Variants in NDUFAF6 observed in about 807,000 individuals in gnomAD.
NDUFAF6 encodes NADH dehydrogenase (ubiquinone) complex I, assembly factor 6.
A neutral mutation model predicts 40.8 loss-of-function variants in NDUFAF6; 45 were observed. That is an observed-to-expected ratio of 1.10 (90% CI 0.87 to 1.42). The LOEUF (loss-of-function observed/expected upper bound fraction) is 1.42, where lower values mean the gene tolerates loss of function less well. Ranked by LOEUF, NDUFAF6 falls within the 40% of genes most tolerant of loss-of-function variation. NDUFAF6 has a pLI of 0.00. For missense variants in NDUFAF6, 435 were observed against 418.5 expected (o/e 1.04, Z -0.34); for synonymous variants, 185 against 155.9 (o/e 1.19, Z -1.39).
chr8:95,044,988 G>A (rs1830571255), intron 4 of NDUFAF6, among the ~76,000 whole-genome samples: 1 of 151,998 alleles, frequency 6.6e-6, no homozygotes, highest in South Asian at 2.1e-4. Flanking sequence ...GGATGAGGTG[G>A]GCACTGGTTT....
intron 1 of NDUFAF6, among the ~76,000 whole-genome samples, chr8:94,910,154 T>G (rs1332235854): frequency 6.6e-6 from 1 of 152,138 alleles, no homozygotes. Context: ...TTGTTTGTTT[T>G]TTTGGTTTTT....
chr8:95,058,711 T>C, downstream of NDUFAF6: 4 of 1,005,080 alleles, frequency 4.0e-6, no homozygotes, highest in Non-Finnish European at 4.7e-6. Context: ...CTACACTTTA[T>C]ACTGTACATT....
At chr8:94,908,960 A>C (rs1281567815) in intron 1 of NDUFAF6, among the ~76,000 whole-genome samples, 1 of 152,210 alleles carries the variant, frequency 6.6e-6, no homozygotes, top group Non-Finnish European at 1.5e-5. Context: ...CACACATCAC[A>C]AATCCTGAAC....
At chr8:94,915,680 C>T (rs1819084565) in intron 1 of NDUFAF6, among the ~76,000 whole-genome samples, 1 of 152,324 alleles carries the variant, frequency 6.6e-6, no homozygotes, top group African/African-American at 2.4e-5. Flanking sequence ...AATTTACAAT[C>T]CCACCAACTG....
intron 1 of NDUFAF6, among the ~76,000 whole-genome samples, chr8:94,899,341 T>C (rs1306461000): frequency 6.6e-6 from 1 of 152,256 alleles, no homozygotes; most frequent in Non-Finnish European, 1.5e-5. Flanking sequence ...CAGAACACAC[T>C]TTGAGAACTG....
At chr8:94,940,929 G>A in intron 1 of NDUFAF6, 1 of 1,613,284 alleles carries the variant, frequency 6.2e-7, no homozygotes, top group Non-Finnish European at 8.5e-7. Context: ...ATTTTATTCA[G>A]CCTCTGGAAC....
At position 95,087,190 on chromosome 8, in the gene NDUFAF6, T is replaced by G. The variant is rs113498910; in HGVS notation, n.213+11438T>G. On this transcript the variant is annotated intron_variant and non_coding_transcript_variant, in intron 2 of 5. Coordinates refer to the NDUFAF6 transcript ENST00000523184. ...TCTCATTCTTAAAGAGTAGCCAACA[T>G]AGGAAAGGTCCAGAAAGATCTGCAA... is the stretch of plus-strand genomic sequence containing the variant. 2.0e-5 allele frequency among the ~76,000 whole-genome samples: 3 copies of G among 152,250 alleles called. No homozygotes were observed. The South Asian group carries it at 6.2e-4, about 32-fold the overall frequency.
At chr8:95,114,163 A>AAAAC (rs112225601) in intron 4 of NDUFAF6, among the ~76,000 whole-genome samples, 2,571 of 151,492 alleles carry the variant, frequency 0.017, 26 homozygotes, top group Non-Finnish European at 0.026. Context: ...TAATAATAAT[A>AAAAC]AAACAAACAA....
At chr8:94,954,779 A>G (rs1377218238), upstream of NDUFAF6, among the ~76,000 whole-genome samples, 13 of 152,244 alleles carry the variant, frequency 8.5e-5, no homozygotes, top group African/African-American at 2.4e-4. Context: ...CCATAGGTTT[A>G]TAAGCTGAAG....
At chr8:95,080,252 A>AT (rs1206311801), downstream of NDUFAF6, among the ~76,000 whole-genome samples, 1 of 135,438 alleles carries the variant, frequency 7.4e-6, no homozygotes, top group African/African-American at 2.8e-5. Flanking sequence ...TTTGTAGTGT[A>AT]TTTTTTGTAG....
chr8:94,939,840 G>A, intron 1 of NDUFAF6: 2 of 1,600,942 alleles, frequency 1.2e-6, no homozygotes, highest in Non-Finnish European at 1.7e-6. Flanking sequence ...CCTACAGAGA[G>A]TTAAATACTT....
At position 95,004,005 on chromosome 8, in the gene NDUFAF6, G is replaced by A. The variant is rs1320166; in HGVS notation, c.-84+23032G>A. ...CCACTGTGCCTGTCACAGACTACAC[G>A]TTCAGTGTGTATTTGTTGAGGAACG... On this transcript the variant is annotated intron_variant, in intron 2 of 9. Transcript: ENST00000396111. Among the ~76,000 whole-genome samples, 305 of 152,264 alleles carry A rather than the reference G, an allele frequency of 2.0e-3. 2 individuals are homozygous for A. The highest frequency in any genetic ancestry group is 6.5e-3 in the African/African-American group (270 of 41,536).
In NDUFAF6 at chr8:95,093,506, A is replaced by G. The variant is rs140030907; in HGVS notation, n.214-7626A>G. On this transcript the variant is annotated intron_variant and non_coding_transcript_variant, in intron 2 of 5. Transcript: ENST00000523184. ...CTGGACACCATAACTCATACCCTAT[A>G]GTTCAACAATGTATACCCAATCACT... Among the ~76,000 whole-genome samples the G allele has an allele frequency of 4.3e-3, 656 of 152,338 alleles. 6 individuals carry two copies. Among genetic ancestry groups the G allele is most frequent in the African/African-American group, 0.015 (630 of 41,570 alleles).
At chr8:94,908,099 C>G (rs1818510957) in intron 1 of NDUFAF6, among the ~76,000 whole-genome samples, 1 of 152,204 alleles carries the variant, frequency 6.6e-6, no homozygotes, top group African/African-American at 2.4e-5. Context: ...AGGACATTTT[C>G]AAGTCTAAGT....
At chr8:94,981,338 G>A (rs924117104) in intron 2 of NDUFAF6, among the ~76,000 whole-genome samples, 7 of 152,292 alleles carry the variant, frequency 4.6e-5, no homozygotes, top group Admixed American at 1.3e-4. Context: ...GATCTTGAAC[G>A]TCCTAGTCTC....
intron 8 of NDUFAF6, among the ~76,000 whole-genome samples, chr8:95,052,519 A>G (rs1027531003): frequency 3.9e-5 from 6 of 152,204 alleles, no homozygotes; most frequent in African/African-American, 4.8e-5. Flanking sequence ...CTTAAGAACC[A>G]CATTCCTCAG....
chr8:95,081,080 G>A (rs1238101835), downstream of NDUFAF6, among the ~76,000 whole-genome samples: 2 of 149,386 alleles, frequency 1.3e-5, no homozygotes, highest in Non-Finnish European at 3.0e-5. Context: ...GAACAAAAGA[G>A]TGAACAAAAG....
intron 1 of NDUFAF6, among the ~76,000 whole-genome samples, chr8:94,970,818 A>G (rs1563758182): frequency 6.6e-6 from 1 of 152,216 alleles, no homozygotes; most frequent in Admixed American, 6.5e-5. Flanking sequence ...ATATTTCTAG[A>G]AAAAGGGAAA....
intron 1 of NDUFAF6, among the ~76,000 whole-genome samples, chr8:94,944,727 G>T (rs1462925855): frequency 6.6e-6 from 1 of 152,178 alleles, no homozygotes; most frequent in African/African-American, 2.4e-5. Flanking sequence ...GGTTAAAGGG[G>T]CCTGGCCATC....
Sources: allele counts gnomAD v4.1 joint callset (sites outside exome capture counted in the v4.1 genomes callset), GRCh38; gene constraint gnomAD v4.1.1; transcripts MANE v1.5; gene names NCBI Gene and HGNC (gene_info 2026-07-23, HGNC 2026-07-21).